The following RIN3 variants were observed in gnomAD, a reference collection of about 807,000 sequenced individuals.
RIN3 encodes RAB5 interacting protein 3.
A neutral mutation model predicts 76.3 loss-of-function variants in RIN3; 54 were observed. That is an observed-to-expected ratio of 0.71 (90% CI 0.57 to 0.89). RIN3 has a LOEUF of 0.89. Ranked by LOEUF, RIN3 falls within the 40% of genes least tolerant of loss-of-function variation. The pLI is 0.00. For synonymous variants in RIN3, 576 were observed against 564.0 expected (o/e 1.02, Z -0.30); for missense variants, 1,256 against 1,322.1 (o/e 0.95, Z 0.78).
intron 3 of RIN3, among the ~76,000 whole-genome samples, chr14:92,581,854 G>T (rs1265547706): frequency 1.3e-5 from 2 of 152,188 alleles, no homozygotes; most frequent in Admixed American, 6.5e-5. Flanking sequence ...GCAAGTGGGG[G>T]TTATAGCCAA....
chr14:92,601,147 G>T (rs1009301517), intron 3 of RIN3, among the ~76,000 whole-genome samples: 1 of 152,192 alleles, frequency 6.6e-6, no homozygotes, highest in Non-Finnish European at 1.5e-5. Context: ...ATCTTAAAAT[G>T]ACAATATTTT....
At chr14:92,599,550 C>T (rs76804619) in intron 3 of RIN3, among the ~76,000 whole-genome samples, 2 of 152,204 alleles carry the variant, frequency 1.3e-5, no homozygotes, top group African/African-American at 2.4e-5. Context: ...ACGCAGTGAG[C>T]GTCGGTGCCT....
In RIN3 at chr14:92,652,475, G is replaced by C; in HGVS notation, c.1426G>C (p.Ala476Pro). 1 of 1,613,942 alleles carries C rather than the reference G, an allele frequency of 6.2e-7. No individual in the cohort carries two copies. Among genetic ancestry groups the C allele is most frequent in the Non-Finnish European group, 8.5e-7 (1 of 1,179,998 alleles). The change falls in exon 6 of 10, where the codon GCT (alanine) becomes CCT (proline). Residue 476 changes from alanine (A) to proline (P), a missense_variant. Physicochemically the swap from Ala to Pro is conservative, Grantham distance 27 (BLOSUM62 -1). Around this residue, in one of 3 missense-constraint regions of RIN3, gnomAD observed 428 missense variants for 521.2 expected, o/e 0.82. Coordinates refer to ENST00000216487, the MANE Select transcript of RIN3 (RefSeq NM_024832.5). This position sits in a 1 kb window ranked among gnomAD's most constrained non-coding sequence, Gnocchi z 6.4. The part of the protein sequence containing the change: ...ISRQLASTLP[A>P]PLENAELCTQ... ...TCGACAACTGGCCTCGACCCTCCCAGCTCCCTTAGAGAACGCTGAGCTCTG... is the reference window on the plus strand; with the variant it reads ...TCGACAACTGGCCTCGACCCTCCCACCTCCCTTAGAGAACGCTGAGCTCTG...
chr14:92,515,878 G>A (rs1286439720), intron 1 of RIN3, among the ~76,000 whole-genome samples: 1 of 152,228 alleles, frequency 6.6e-6, no homozygotes, highest in African/African-American at 2.4e-5. Flanking sequence ...GACCTTTTGG[G>A]TTGGAAGGAC....
chr14:92,570,947 T>C (rs1008568727), intron 2 of RIN3, among the ~76,000 whole-genome samples: 1 of 152,278 alleles, frequency 6.6e-6, no homozygotes, highest in African/African-American at 2.4e-5. Context: ...AGCCTAACGC[T>C]GCCTCTTTAC....
intron 3 of RIN3, chr14:92,586,326 G>C (rs1249569622): frequency 1.3e-5 from 2 of 152,200 alleles, no homozygotes; most frequent in African/African-American, 2.4e-5. Flanking sequence ...ATCGTTTCCT[G>C]CAACACTTTG....
intron 8 of RIN3, 105 bp downstream of exon 8, chr14:92,676,711 T>G: frequency 7.9e-7 from 1 of 1,268,490 alleles, no homozygotes; most frequent in Non-Finnish European, 1.1e-6. Flanking sequence ...TGCCAGACTC[T>G]GGCTGAGCTC....
At chr14:92,560,243 C>T (rs575741696) in intron 2 of RIN3, among the ~76,000 whole-genome samples, 1 of 152,268 alleles carries the variant, frequency 6.6e-6, no homozygotes, top group East Asian at 1.9e-4. Context: ...ATGTTGAGAC[C>T]ACAGGTGACT....
intron 1 of RIN3, among the ~76,000 whole-genome samples, chr14:92,538,128 C>G (rs1897050100): frequency 6.6e-6 from 1 of 151,638 alleles, no homozygotes; most frequent in South Asian, 2.1e-4. Flanking sequence ...CCCGGCCACA[C>G]CTGGCTAATT....
chr14:92,618,998 T>A (rs1308024322), intron 4 of RIN3, among the ~76,000 whole-genome samples: 1 of 152,130 alleles, frequency 6.6e-6, no homozygotes, highest in African/African-American at 2.4e-5. Context: ...GAAAATTTGT[T>A]TTTTGTGTGT....
At chr14:92,651,522 G>T in intron 5 of RIN3, 60 bp from the exon 6 acceptor site, 1 of 481,366 alleles carries the variant, frequency 2.1e-6, no homozygotes. Flanking sequence ...ACCCCGCCCA[G>T]CACAGCAACA....
At chr14:92,566,262 C>T (rs1240999641) in intron 2 of RIN3, among the ~76,000 whole-genome samples, 1 of 152,174 alleles carries the variant, frequency 6.6e-6, no homozygotes, top group Non-Finnish European at 1.5e-5. Context: ...CTTCTCTCTA[C>T]CCTTCTATTC....
At chr14:92,647,709 TA>T (rs1457998755) in intron 5 of RIN3, among the ~76,000 whole-genome samples, 29 of 152,218 alleles carry the variant, frequency 1.9e-4, no homozygotes, top group African/African-American at 7.0e-4. Context: ...ACTTTGCCTT[TA>T]CTCATCCCCT....
intron 7 of RIN3, among the ~76,000 whole-genome samples, chr14:92,672,098 T>C (rs1468917622): frequency 6.6e-6 from 1 of 152,130 alleles, no homozygotes. Flanking sequence ...TCAGGAGTGC[T>C]GTTACTTTGA....
rs1566822333 is a variant in RIN3 at position 92,514,589 on chromosome 14, G to GTGCT, written c.44+616_44+619dup. ...TTCGGACCGGCCCTGGTCGAGCCTA[G>GTGCT]TGCTTGGGTAGGGTCCAGGGCGCAC... On this transcript the variant is annotated intron_variant, in intron 1 of 9. Coordinates refer to ENST00000216487, the MANE Select transcript of RIN3 (RefSeq NM_024832.5). This position sits in a 1 kb window ranked among gnomAD's most constrained non-coding sequence, Gnocchi z 7.2. 1.3e-5 allele frequency among the ~76,000 whole-genome samples: 2 copies of GTGCT among 152,382 alleles called. No individual in the cohort carries two copies. The highest frequency in any genetic ancestry group is 3.9e-4 in the East Asian group (2 of 5,184).
chr14:92,641,265 A>T lies in RIN3; in HGVS notation c.468A>T (p.Leu156=). ...SRDLLPFTLR[L]PQAILEASSF... ...ACTTACTGCCCTTCACACTGCGGCT[A>T]CCCCAGGCCATCCTTGAGGCCAGCA... is the stretch of plus-strand genomic sequence containing the variant. The change falls in exon 5 of 10, where the codon CTA becomes CTT. Residue 156 remains leucine (L), a synonymous_variant. Transcript: ENST00000216487. The T allele has an allele frequency of 6.2e-7, 1 of 1,613,930 alleles. No individual in the cohort carries two copies. The highest frequency in any genetic ancestry group is 1.1e-5 in the South Asian group (1 of 91,072).
At chr14:92,584,298 C>T (rs564141893) in intron 3 of RIN3, among the ~76,000 whole-genome samples, 2 of 152,324 alleles carry the variant, frequency 1.3e-5, no homozygotes, top group African/African-American at 2.4e-5. Context: ...CCATCTGGGG[C>T]ATTCAGGCGG....
At chr14:92,661,535 C>T (rs968712540) in intron 7 of RIN3, among the ~76,000 whole-genome samples, 5 of 152,056 alleles carry the variant, frequency 3.3e-5, no homozygotes, top group African/African-American at 9.7e-5. Context: ...ACCAGCCTGG[C>T]CAACATGGTG....
chr14:92,676,067 G>A (rs1257317884), intron 7 of RIN3, among the ~76,000 whole-genome samples: 1 of 152,068 alleles, frequency 6.6e-6, no homozygotes, highest in African/African-American at 2.4e-5. Flanking sequence ...TGTTTCGCAG[G>A]TGGGAGGGAG....
Sources: allele counts gnomAD v4.1 joint callset (sites outside exome capture counted in the v4.1 genomes callset), GRCh38; gene constraint gnomAD v4.1.1; regional missense constraint gnomAD v4.1.1; non-coding constraint Gnocchi (gnomAD v3.1); transcripts MANE v1.5; gene names NCBI Gene and HGNC (gene_info 2026-07-23, HGNC 2026-07-21).